ANAPC2: variants seen among roughly 807,000 people sequenced by gnomAD.
The protein encoded by ANAPC2 is anaphase promoting complex subunit 2.
In ANAPC2, 29 loss-of-function variants were observed where a neutral mutation model predicts 84.3. The ratio of observed to expected loss-of-function variants is 0.34; its 90% CI spans 0.26 to 0.47. ANAPC2 has a LOEUF of 0.47. Among genes scored for constraint, ANAPC2 ranks in the 20% least tolerant of loss-of-function variants. ANAPC2 has a pLI of 1.00. For synonymous variants in ANAPC2, 571 were observed against 479.4 expected (o/e 1.19, Z -2.50); for missense variants, 857 against 1,131.7 (o/e 0.76, Z 3.48).
intron 4 of ANAPC2, among the ~76,000 whole-genome samples, chr9:137,184,213 A>G (rs773141516): frequency 2.0e-5 from 3 of 151,996 alleles, no homozygotes; most frequent in Non-Finnish European, 4.4e-5. Context: ...AGATGCAGAC[A>G]CAGAGCCGAC....
intron 10 of ANAPC2, chr9:137,176,127 G>A (rs974738585): frequency 6.0e-6 from 2 of 333,702 alleles, no homozygotes; most frequent in Non-Finnish European, 1.1e-5. Flanking sequence ...GGTTGATGCA[G>A]ATGTAACTGA....
chr9:137,186,083 A>G (rs1834461392), intron 3 of ANAPC2, 141 bp downstream of exon 3: 1 of 1,229,086 alleles, frequency 8.1e-7, no homozygotes, highest in African/African-American at 1.5e-5. Flanking sequence ...TCTACCCCAC[A>G]TCAAGACAGC....
intron 2 of ANAPC2, chr9:137,187,261 T>C: frequency 1.6e-6 from 1 of 623,122 alleles, no homozygotes; most frequent in Non-Finnish European, 2.7e-6. Context: ...CATAGGGCCT[T>C]ACCAGGGTCA....
intron 11 of ANAPC2, 31 bp downstream of exon 11, chr9:137,175,677 G>A: frequency 6.3e-7 from 1 of 1,599,456 alleles, no homozygotes; most frequent in Non-Finnish European, 8.5e-7. Flanking sequence ...CGTGTGGCCG[G>A]GGCAGGCCAG....
chr9:137,175,908 G>C, intron 10 of ANAPC2, 71 bp from the exon 11 acceptor site: 1 of 1,498,492 alleles, frequency 6.7e-7, no homozygotes, highest in Non-Finnish European at 8.9e-7. Flanking sequence ...CTGCCACCTG[G>C]TACCAGTGAG....
At chr9:137,176,075 C>T in intron 10 of ANAPC2, 2 of 464,378 alleles carry the variant, frequency 4.3e-6, no homozygotes, top group Non-Finnish European at 7.4e-6. Context: ...CAGGGGCCTC[C>T]TGACCCCCAG....
intron 5 of ANAPC2, 122 bp from the exon 6 acceptor site, chr9:137,183,364 G>C: frequency 2.3e-6 from 2 of 881,908 alleles, no homozygotes; most frequent in South Asian, 3.0e-5. Flanking sequence ...CTGCAGCCTC[G>C]TTCCCTTGTC....
chr9:137,183,217 G>T lies in ANAPC2; in HGVS notation c.1194C>A (p.Thr398=). The T allele has an allele frequency of 6.2e-7, 1 of 1,613,136 alleles. No individual in the cohort carries two copies. Among genetic ancestry groups the T allele is most frequent in the African/African-American group, 1.3e-5 (1 of 75,030 alleles). ...HPGVNTCDII[T]LYISAIKALR... is the part of the protein sequence containing the mutation. ...GCGCCTTGATGGCAGAGATATAGAGGGTGATGATGTCACACGTGTTGACGC... is the reference window on the plus strand; with the variant it reads ...GCGCCTTGATGGCAGAGATATAGAGTGTGATGATGTCACACGTGTTGACGC... The change falls in exon 6 of 13, where the codon ACC becomes ACA. Residue 398 remains threonine (T), a synonymous_variant. Transcript: ENST00000323927.
rs564403183 is a variant in ANAPC2, at chr9:137,176,049, T to C, written c.1891-212A>G. On this transcript the variant is annotated intron_variant, in intron 10 of 12. Coordinates refer to ENST00000323927, the MANE Select transcript of ANAPC2 (RefSeq NM_013366.4). Reference sequence around the variant, plus strand: ...GCAATGGGGCCAGCATCATAAGGTGTGTCCCGAAAAGGCTACAGGGGCCTC... The same window carrying C: ...GCAATGGGGCCAGCATCATAAGGTGCGTCCCGAAAAGGCTACAGGGGCCTC... 74 of 549,364 alleles carry C rather than the reference T, an allele frequency of 1.3e-4. 1 individual carries two copies. The highest frequency in any genetic ancestry group is 4.8e-4 in the South Asian group (21 of 43,996). The allele number at this position is 549,364 out of a possible 1,614,324, so 34.0% of individuals were successfully genotyped here.
intron 8 of ANAPC2, 126 bp downstream of exon 8, chr9:137,180,662 G>C (rs1355961529): frequency 6.4e-7 from 1 of 1,555,152 alleles, no homozygotes; most frequent in East Asian, 2.3e-5. Context: ...CACACCCCCA[G>C]CCAGGAGTGG....
chr9:137,178,442 G>T (rs963017438), intron 10 of ANAPC2, among the ~76,000 whole-genome samples: 1 of 152,246 alleles, frequency 6.6e-6, no homozygotes. Context: ...TGAGCAACAG[G>T]AAGTGGCTGA....
chr9:137,187,632 G>T lies in ANAPC2; in HGVS notation c.589C>A (p.Pro197Thr), dbSNP rs1271237669. ...CTGTCCAGCTCCCCTTCCAGTTCCGGGTCTGTGCCCCCTTCCCCCTTCCTC... is the reference window on the plus strand; with the variant it reads ...CTGTCCAGCTCCCCTTCCAGTTCCGTGTCTGTGCCCCCTTCCCCCTTCCTC... ...SKRKGEGGTD[P>T]ELEGELDSRY... The change falls in exon 2 of 13, where the codon CCG becomes ACG. Residue 197 changes from proline to threonine, a missense_variant. Physicochemically the swap from Pro to Thr is conservative, Grantham distance 38. This residue lies in a region of ANAPC2 where 428 missense variants were observed against 513.8 expected (regional missense o/e 0.83). Transcript: ENST00000323927. The T allele has an allele frequency of 6.2e-7, 1 of 1,614,056 alleles. No individual in the cohort carries two copies. The highest frequency in any genetic ancestry group is 1.6e-4 in the Middle Eastern group (1 of 6,062).
chr9:137,186,224 C>T lies in ANAPC2; in HGVS notation c.873G>A (p.Lys291=). Residue 291 remains lysine, a splice_region_variant and synonymous_variant, in exon 3 of 13, where the codon AAG becomes AAA. Transcript: ENST00000323927. ...CACAGCCCAAGGGAGGGGTCCTCAC[C>T]TTGTGGAACTCACGCAGGAAGGAGC... ...YERSFLREFH[K]WIERVVGWLG... is the part of the protein sequence containing the mutation. 6.2e-7 allele frequency: 1 copy of T among 1,612,632 alleles called. No homozygotes were observed. The highest frequency in any genetic ancestry group is 1.1e-5 in the South Asian group (1 of 91,076).
At position 137,182,949 on chromosome 9, in the gene ANAPC2, G is replaced by A. The variant is rs989520135; in HGVS notation, c.1286+176C>T. Reference sequence around the variant, plus strand: ...CACCGTGTGACAAGGACAGGTGCCCGGCACGGGCAAGAGGAAAGGAAAGAG... The same window carrying A: ...CACCGTGTGACAAGGACAGGTGCCCAGCACGGGCAAGAGGAAAGGAAAGAG... On this transcript the variant is annotated intron_variant, in intron 6 of 12. Transcript: ENST00000323927. Among the ~76,000 whole-genome samples, 13 of 152,234 alleles carry A rather than the reference G, an allele frequency of 8.5e-5. No homozygotes were observed. In the South Asian group the frequency reaches 2.3e-3, roughly 27 times the overall value.
At chr9:137,181,983 G>T in intron 6 of ANAPC2, 121 bp from the exon 7 acceptor site, 2 of 1,084,724 alleles carry the variant, frequency 1.8e-6, no homozygotes, top group Non-Finnish European at 2.6e-6. Context: ...ACACTCAGTG[G>T]TGATGGGCTA....
chr9:137,177,305 G>A (rs918097610), intron 10 of ANAPC2, among the ~76,000 whole-genome samples: 1 of 144,322 alleles, frequency 6.9e-6, no homozygotes, highest in Non-Finnish European at 1.5e-5. Context: ...GCTGGGTTTG[G>A]ACTCGCTGTC....
At chr9:137,182,038 C>T (rs1265839626) in intron 6 of ANAPC2, among the ~76,000 whole-genome samples, 176 bp from the exon 7 acceptor site, 1 of 152,122 alleles carries the variant, frequency 6.6e-6, no homozygotes, top group Non-Finnish European at 1.5e-5. Flanking sequence ...ACAAATAAAC[C>T]CAACGTTACT....
At chr9:137,185,429 G>A (rs963393520) in intron 3 of ANAPC2, among the ~76,000 whole-genome samples, 15 of 152,170 alleles carry the variant, frequency 9.9e-5, no homozygotes, top group Non-Finnish European at 1.3e-4. Flanking sequence ...GGATAAACAC[G>A]CCCTTGAGAC....
rs760339868 is a variant in ANAPC2, at chr9:137,187,681, G to A, written c.540C>T (p.Phe180=). ...QEMIQRLYGC[F]LRVYMQSKRK... Reference sequence around the variant, plus strand: ...TCTTACTCTGCATATAGACTCTCAAGAAGCACCCATACAGACGCTGGATCA... The same window carrying A: ...TCTTACTCTGCATATAGACTCTCAAAAAGCACCCATACAGACGCTGGATCA... Residue 180 remains phenylalanine (F), a synonymous_variant, in exon 2 of 13, where the codon TTC becomes TTT. Coordinates refer to ENST00000323927, the MANE Select transcript of ANAPC2 (RefSeq NM_013366.4). 32 of 1,613,938 alleles carry A rather than the reference G, an allele frequency of 2.0e-5. No individual in the cohort carries two copies. Among genetic ancestry groups the A allele is most frequent in the Non-Finnish European group, 2.6e-5 (31 of 1,180,040 alleles).
Sources: gnomAD v4.1 joint callset for allele counts (sites outside exome capture counted in the v4.1 genomes callset) on GRCh38, gnomAD v4.1.1 for gene constraint, gnomAD v4.1.1 regional missense constraint, MANE v1.5 for transcripts, NCBI Gene and HGNC (gene_info 2026-07-23, HGNC 2026-07-21) for gene names.